ZNF804B: variants seen among roughly 807,000 people sequenced by gnomAD.
ZNF804B encodes zinc finger protein 804B, also known as zinc finger 804B.
Under a neutral mutation model 101.4 loss-of-function variants are expected in ZNF804B, and 80 were observed. The ratio of observed to expected loss-of-function variants is 0.79; its 90% CI spans 0.66 to 0.95. The LOEUF (loss-of-function observed/expected upper bound fraction) is 0.95. Among genes scored for constraint, ZNF804B ranks in the 40% least tolerant of loss-of-function variants. The pLI is 0.00. For missense variants in ZNF804B, 1,673 were observed against 1,561.9 expected, an observed-to-expected ratio of 1.07 and a Z score of -1.20; for synonymous variants, 622 against 558.8, an observed-to-expected ratio of 1.11 and a Z score of -1.59.
intron 1 of ZNF804B, among the ~76,000 whole-genome samples, chr7:88,842,192 T>G (rs554976657): frequency 6.6e-6 from 1 of 152,332 alleles, no homozygotes; most frequent in African/African-American, 2.4e-5. Flanking sequence ...TAAGGTTGTC[T>G]TAATGACCTG....
chr7:88,923,176 A>G (rs1233798274), intron 1 of ZNF804B, among the ~76,000 whole-genome samples: 1 of 152,192 alleles, frequency 6.6e-6, no homozygotes, highest in South Asian at 2.1e-4. Flanking sequence ...GACTCACAGC[A>G]TAAAGGGAAA....
chr7:89,184,326 G>A (rs1788342141), intron 1 of ZNF804B, among the ~76,000 whole-genome samples: 2 of 152,114 alleles, frequency 1.3e-5, no homozygotes, highest in African/African-American at 4.8e-5. Context: ...GCAGCTTATG[G>A]AATCCAGGTT....
chr7:88,780,399 T>A (rs1370845877), intron 1 of ZNF804B, among the ~76,000 whole-genome samples: 3 of 147,546 alleles, frequency 2.0e-5, no homozygotes, highest in Admixed American at 2.0e-4. Context: ...TTTTTTTTTT[T>A]TTTTTTTGAG....
chr7:88,921,184 G>GGATAAAGTAGTA (rs1792713399), intron 1 of ZNF804B, among the ~76,000 whole-genome samples: 1 of 152,004 alleles, frequency 6.6e-6, no homozygotes, highest in African/African-American at 2.4e-5. Context: ...ACTTGAGACT[G>GGATAAAGTAGTA]GTAGATGGAT....
At chr7:89,010,617 T>C (rs954063031) in intron 1 of ZNF804B, among the ~76,000 whole-genome samples, 1 of 152,158 alleles carries the variant, frequency 6.6e-6, no homozygotes, top group Non-Finnish European at 1.5e-5. Flanking sequence ...TTTGCACTAC[T>C]CAGAAAGGCA....
At chr7:89,263,970 G>A (rs903227150) in intron 2 of ZNF804B, among the ~76,000 whole-genome samples, 6 of 152,036 alleles carry the variant, frequency 3.9e-5, no homozygotes, top group African/African-American at 1.4e-4. Flanking sequence ...AATTAATAAA[G>A]GTATCTTCTT....
At chr7:89,212,196 A>G (rs1315232403) in intron 1 of ZNF804B, among the ~76,000 whole-genome samples, 1 of 151,766 alleles carries the variant, frequency 6.6e-6, no homozygotes, top group Non-Finnish European at 1.5e-5. Context: ...TTGTAGACTC[A>G]GGGGAAAATA....
chr7:88,844,353 G>C (rs901508890), intron 1 of ZNF804B, among the ~76,000 whole-genome samples: 2 of 152,082 alleles, frequency 1.3e-5, no homozygotes, highest in Non-Finnish European at 2.9e-5. Context: ...TAGTTGGTAT[G>C]TTTCTCTGGT....
intron 1 of ZNF804B, among the ~76,000 whole-genome samples, chr7:88,887,918 A>G (rs1025692449): frequency 6.6e-6 from 1 of 151,580 alleles, no homozygotes; most frequent in Non-Finnish European, 1.5e-5. Context: ...ACAGGAATGT[A>G]TATATATATC....
At position 89,333,434 on chromosome 7, in the gene ZNF804B, T is replaced by C. The variant is rs767277662; in HGVS notation, c.452T>C (p.Phe151Ser). The C allele has an allele frequency of 2.5e-6, 4 of 1,612,860 alleles. No homozygotes were observed. The highest frequency in any genetic ancestry group is 3.3e-5 in the Admixed American group (2 of 59,772). ...AIEKQLQQGI[F>S]PIKNGRKVSC... ...GAAAAGCAACTCCAGCAAGGAATTT[T>C]CCCCATTAAGAATGGCAGAAAGGTA... The change falls in exon 4 of 4, where the codon TTC becomes TCC. Residue 151 changes from phenylalanine to serine, a missense_variant. Physicochemically the swap from Phe to Ser is radical, Grantham distance 155. Coordinates refer to ENST00000333190, the MANE Select transcript of ZNF804B (RefSeq NM_181646.5).
At chr7:88,848,891 A>G (rs1791413257) in intron 1 of ZNF804B, among the ~76,000 whole-genome samples, 1 of 152,146 alleles carries the variant, frequency 6.6e-6, no homozygotes, top group African/African-American at 2.4e-5. Flanking sequence ...GCAGTAGGTT[A>G]GAAAAAGTCC....
intron 1 of ZNF804B, among the ~76,000 whole-genome samples, chr7:88,992,340 T>A (rs10266633): frequency 0.098 from 14,910 of 152,210 alleles, 798 homozygotes; most frequent in Non-Finnish European, 0.11. Flanking sequence ...TGTGCTTGTT[T>A]AAATTTCCAT....
At chr7:88,942,547 C>T (rs564670191) in intron 1 of ZNF804B, among the ~76,000 whole-genome samples, 4 of 141,158 alleles carry the variant, frequency 2.8e-5, no homozygotes, top group African/African-American at 1.0e-4. Flanking sequence ...ATTGAATTAT[C>T]GTAAGGTCTT....
intron 2 of ZNF804B, among the ~76,000 whole-genome samples, chr7:89,271,043 T>G (rs1005981203): frequency 6.6e-6 from 1 of 152,182 alleles, no homozygotes; most frequent in African/African-American, 2.4e-5. Context: ...CTTTTCCTAA[T>G]TGAATACCCT....
intron 1 of ZNF804B, among the ~76,000 whole-genome samples, chr7:88,825,096 C>T (rs1004281881): frequency 1.3e-5 from 2 of 152,044 alleles, no homozygotes; most frequent in African/African-American, 2.4e-5. Context: ...AAGGCAGCAC[C>T]ATTTCAAAAA....
chr7:89,026,800 T>A (rs1788759288), intron 1 of ZNF804B, among the ~76,000 whole-genome samples: 1 of 152,102 alleles, frequency 6.6e-6, no homozygotes, highest in Non-Finnish European at 1.5e-5. Context: ...AGTTCCAATT[T>A]AGACACGATG....
At chr7:89,171,401 T>TTCC (rs202233633) in intron 1 of ZNF804B, among the ~76,000 whole-genome samples, 63 of 111,934 alleles carry the variant, frequency 5.6e-4, no homozygotes, top group Middle Eastern at 3.7e-3. Context: ...CTTCCTCTTC[T>TTCC]TCTTCTTCTT....
chr7:89,158,668 A>T (rs1791013840), intron 1 of ZNF804B, among the ~76,000 whole-genome samples: 1 of 152,158 alleles, frequency 6.6e-6, no homozygotes, highest in Non-Finnish European at 1.5e-5. Context: ...TAAAGTATGT[A>T]AGTTAGTGTA....
chr7:89,197,103 A>G (rs1788566143), intron 1 of ZNF804B, among the ~76,000 whole-genome samples: 1 of 152,036 alleles, frequency 6.6e-6, no homozygotes, highest in African/African-American at 2.4e-5. Flanking sequence ...TGACCCAGCA[A>G]TCTTAATACC....
Sources: allele counts gnomAD v4.1 joint callset (sites outside exome capture counted in the v4.1 genomes callset), GRCh38; gene constraint gnomAD v4.1.1; transcripts MANE v1.5; gene names NCBI Gene and HGNC (gene_info 2026-07-23, HGNC 2026-07-21).